PCDHA6: variants seen among roughly 807,000 people sequenced by gnomAD.
PCDHA6 encodes protocadherin alpha-6.
PCDHA6 carries 55 observed loss-of-function variants against 60.3 expected under a neutral mutation model. The ratio of observed to expected loss-of-function variants is 0.91; its 90% CI spans 0.73 to 1.14. The LOEUF (loss-of-function observed/expected upper bound fraction) is 1.14. Ranked by LOEUF, PCDHA6 falls within the 50% of genes most tolerant of loss-of-function variation. PCDHA6 has a pLI of 0.00. For synonymous variants in PCDHA6, 652 were observed against 557.9 expected (o/e 1.17, Z -2.38); for missense variants, 1,327 against 1,256.5 (o/e 1.06, Z -0.85).
In PCDHA6 at chr5:140,990,889, G is replaced by A. The variant is rs569864202; in HGVS notation, c.2542+8326G>A. Among the ~76,000 whole-genome samples, 53 of 152,284 alleles carry A rather than the reference G, an allele frequency of 3.5e-4. 2 individuals are homozygous for A. The South Asian group carries it at 8.3e-3, about 24-fold the overall frequency. Reference sequence around the variant, plus strand: ...TTTAAGTGTATGTTCCAGTGAGTGGGTCGTTGCTGGGTCAAGTTTTATAAG... The same window carrying A: ...TTTAAGTGTATGTTCCAGTGAGTGGATCGTTGCTGGGTCAAGTTTTATAAG... On this transcript the variant is annotated intron_variant, in intron 3 of 3. Transcript: ENST00000529310.
intron 1 of PCDHA6, among the ~76,000 whole-genome samples, chr5:140,972,784 C>T (rs2096555970): frequency 1.3e-5 from 2 of 151,762 alleles, no homozygotes; most frequent in South Asian, 4.2e-4. Context: ...CTGCCTCAGC[C>T]TCCTGAGTAG....
rs926604630 is a variant in PCDHA6 at position 140,857,768 on chromosome 5, G to C, written c.2394+27283G>C. ...GGCGTCTCCCGCTGGCAGCGCGGGC[G>C]GTGCAGTCAGTGAGCTGGTGCTGCG... On this transcript the variant is annotated intron_variant, in intron 1 of 3. Transcript: ENST00000529310. 6 of 1,597,542 alleles carry C rather than the reference G, an allele frequency of 3.8e-6. 2 individuals carry two copies. In the South Asian group the frequency reaches 5.5e-5, roughly 15 times the overall value.
intron 1 of PCDHA6, chr5:140,856,054 T>G: frequency 6.3e-7 from 1 of 1,586,304 alleles, no homozygotes; most frequent in Non-Finnish European, 8.6e-7. Flanking sequence ...ATAAGATGGT[T>G]TCCAGATGTA....
rs542875982 is a variant in PCDHA6 at position 140,939,696 on chromosome 5, T to C, written c.2395-39253T>C. On this transcript the variant is annotated intron_variant, in intron 1 of 3. Coordinates refer to ENST00000529310, the MANE Select transcript of PCDHA6 (RefSeq NM_018909.4). Reference sequence around the variant, plus strand: ...TATGTATGTGTGTGTTGCTGGACATTATCATTTGTGAGATACATTTATATT... The same window carrying C: ...TATGTATGTGTGTGTTGCTGGACATCATCATTTGTGAGATACATTTATATT... Among the ~76,000 whole-genome samples the C allele has an allele frequency of 1.6e-4, 24 of 152,340 alleles. No homozygotes were observed. The East Asian group carries it at 2.7e-3, about 17-fold the overall frequency.
chr5:141,010,255 C>T lies in PCDHA6; in HGVS notation c.*318C>T. The T allele has an allele frequency of 6.4e-7, 1 of 1,551,816 alleles. No homozygotes were observed. Among genetic ancestry groups the T allele is most frequent in the Non-Finnish European group, 8.7e-7 (1 of 1,147,020 alleles). ...CCAGTGAGAGGTTGGACTCTCTGCC[C>T]TGTGCTCCGGGGATCCTGTCTTGAT... is the stretch of plus-strand genomic sequence containing the variant. On this transcript the variant is annotated 3_prime_UTR_variant, in exon 4 of 4. Coordinates refer to ENST00000529310, the MANE Select transcript of PCDHA6 (RefSeq NM_018909.4).
In PCDHA6 at chr5:140,891,823, C is replaced by T. The variant is rs186209593; in HGVS notation, c.2394+61338C>T. On this transcript the variant is annotated intron_variant, in intron 1 of 3. Transcript: ENST00000529310. ...TGCCCTCATGAATAAATTAACGGCACTGTAAAAGGACTTGATGGAAGGAGC... is the reference window on the plus strand; with the variant it reads ...TGCCCTCATGAATAAATTAACGGCATTGTAAAAGGACTTGATGGAAGGAGC... Among the ~76,000 whole-genome samples, 1,217 of 152,254 alleles carry T rather than the reference C, an allele frequency of 8.0e-3. 6 individuals carry two copies. The highest frequency in any genetic ancestry group is 0.019 in the African/African-American group (784 of 41,536).
chr5:140,944,799 G>A (rs1160069845), intron 1 of PCDHA6, among the ~76,000 whole-genome samples: 2 of 152,090 alleles, frequency 1.3e-5, no homozygotes, highest in Non-Finnish European at 2.9e-5. Flanking sequence ...CAAGTCTGTC[G>A]AGGGTCCACA....
At chr5:140,852,691 T>C (rs1027871378) in intron 1 of PCDHA6, 4 of 974,686 alleles carry the variant, frequency 4.1e-6, no homozygotes, top group East Asian at 1.1e-4. Context: ...TATAGTCTTA[T>C]ACTTTCAAGT....
chr5:140,831,363 T>A (rs1771496474), intron 1 of PCDHA6: 1 of 31,544 alleles, frequency 3.2e-5, no homozygotes, highest in Non-Finnish European at 6.7e-5. Context: ...CTATTTTGTA[T>A]GTGTGTGTGT....
rs1459343581 is a variant in PCDHA6 at position 141,012,230 on chromosome 5, A to G, written c.*2293A>G. 1.3e-5 allele frequency: 2 copies of G among 153,766 alleles called. No individual in the cohort carries two copies. The highest frequency in any genetic ancestry group is 6.5e-5 in the Admixed American group (1 of 15,278). 9.5% of individuals were successfully genotyped at this position (153,766 alleles called of 1,614,324 possible). On this transcript the variant is annotated 3_prime_UTR_variant, in exon 4 of 4. Transcript: ENST00000529310. ...ACATTTGCGAAGTGCTTTCCAATCC[A>G]TGTTAGTTACTAGTTATTACAGCTG...
intron 1 of PCDHA6, among the ~76,000 whole-genome samples, chr5:140,899,594 G>A (rs1583347259): frequency 1.3e-5 from 2 of 152,238 alleles, no homozygotes; most frequent in Non-Finnish European, 2.9e-5. Flanking sequence ...GTATTTTATT[G>A]AGGACTTTTG....
intron 1 of PCDHA6, chr5:140,927,592 G>T: frequency 6.2e-7 from 1 of 1,614,170 alleles, no homozygotes; most frequent in Admixed American, 1.7e-5. Context: ...GCCTGTATTT[G>T]AGCGCTCCGT....
At position 140,968,504 on chromosome 5, in the gene PCDHA6, C is replaced by T. The variant is rs147528189; in HGVS notation, c.2395-10445C>T. 58 of 1,614,064 alleles carry T rather than the reference C, an allele frequency of 3.6e-5. No individual in the cohort carries two copies. In the African/African-American group the frequency reaches 6.7e-4, roughly 19 times the overall value. ...CATGAATGACCATGCCCCTCACATT[C>T]TGTACCCTACCTCAACCAACTCGTC... On this transcript the variant is annotated intron_variant, in intron 1 of 3. Transcript: ENST00000529310.
chr5:140,952,712 C>A (rs567610262), intron 1 of PCDHA6, among the ~76,000 whole-genome samples: 3 of 152,298 alleles, frequency 2.0e-5, no homozygotes, highest in Middle Eastern at 3.4e-3. Context: ...CTCTCAGTAT[C>A]AATTTTCTGT....
chr5:140,967,969 C>T (rs997628696), intron 1 of PCDHA6: 3 of 1,614,064 alleles, frequency 1.9e-6, no homozygotes, highest in African/African-American at 1.3e-5. Flanking sequence ...GGAAAGTGAG[C>T]CTGGGTCTGG....
intron 1 of PCDHA6, chr5:140,861,415 G>T (rs1400394792): frequency 4.2e-6 from 2 of 475,856 alleles, no homozygotes; most frequent in Non-Finnish European, 8.6e-6. Context: ...CTGATACCGC[G>T]CCTGTTTCAG....
rs371868883 is a variant in PCDHA6 at position 140,856,649 on chromosome 5, C to A, written c.2394+26164C>A. ...GCTTGTTCTGCGGAAGCTGCTGGAT[C>A]GTGAAGAAAATCCTCAGCTAAAGTT... On this transcript the variant is annotated intron_variant, in intron 1 of 3. Transcript: ENST00000529310. 8 of 1,598,072 alleles carry A rather than the reference C, an allele frequency of 5.0e-6. 2 individuals carry two copies. The African/African-American group carries it at 6.7e-5, about 13-fold the overall frequency.
rs1770923485 is a variant in PCDHA6 at position 140,830,243 on chromosome 5, T to A, written c.2152T>A (p.Tyr718Asn). The A allele has an allele frequency of 1.2e-6, 2 of 1,613,790 alleles. No individual in the cohort carries two copies. Among genetic ancestry groups the A allele is most frequent in the Admixed American group, 1.7e-5 (1 of 59,996 alleles). Reference protein sequence around the residue: ...SSLLVLTLLLYTALRCSAPPT... With the variant: ...SSLLVLTLLLNTALRCSAPPT... ...CCTGCTGGTCCTCACGCTACTGCTG[T>A]ACACAGCGCTGCGGTGCTCGGCGCC... Residue 718 changes from tyrosine (Y) to asparagine (N), a missense_variant, in exon 1 of 4, where the codon TAC becomes AAC. Tyr to Asn is a moderately radical substitution (Grantham distance 143). Coordinates refer to ENST00000529310, the MANE Select transcript of PCDHA6 (RefSeq NM_018909.4).
In PCDHA6 at chr5:140,828,101, AC is replaced by A; in HGVS notation, c.14del (p.Pro5ArgfsTer73). 1 of 1,607,798 alleles carries A rather than the reference AC, an allele frequency of 6.2e-7. No individual in the cohort carries two copies. Among genetic ancestry groups the A allele is most frequent in the East Asian group, 2.2e-5 (1 of 44,824 alleles). On this transcript the variant is annotated frameshift_variant, in exon 1 of 4. Transcript: ENST00000529310. LOFTEE classifies it high-confidence loss of function. MVF[T>X]PEDRLGKQCL... ...ACCAGAGGTATTTGACATGGTGTTTACCCCGGAGGATAGATTGGGAAAGCAA... is the reference window on the plus strand; with the variant it reads ...ACCAGAGGTATTTGACATGGTGTTTACCCGGAGGATAGATTGGGAAAGCAA...
Sources: gnomAD v4.1 joint callset for allele counts (sites outside exome capture counted in the v4.1 genomes callset) on GRCh38, gnomAD v4.1.1 for gene constraint, MANE v1.5 for transcripts, NCBI Gene and HGNC (gene_info 2026-07-23, HGNC 2026-07-21) for gene names.